The following RANBP1 variants were observed in gnomAD, a reference collection of about 807,000 sequenced individuals.
The protein encoded by RANBP1 is ran-specific GTPase-activating protein.
Under a neutral mutation model 31.4 loss-of-function variants are expected in RANBP1, and 16 were observed. The ratio of observed to expected loss-of-function variants is 0.51; its 90% CI spans 0.34 to 0.77. The LOEUF (loss-of-function observed/expected upper bound fraction) is 0.77, where lower values mean the gene tolerates loss of function less well. Ranked by LOEUF, RANBP1 falls within the 30% of genes least tolerant of loss-of-function variation. RANBP1 has a pLI of 0.01. For missense variants in RANBP1, 265 were observed against 362.0 expected (o/e 0.73, Z 2.17); for synonymous variants, 129 against 140.5 (o/e 0.92, Z 0.58).
In RANBP1 at chr22:20,117,550, C is replaced by T. The variant is rs576822287; in HGVS notation, c.246+1120C>T. The T allele has an allele frequency of 4.8e-5, 67 of 1,400,332 alleles. 1 individual carries two copies. In the African/African-American group the frequency reaches 9.7e-4, roughly 20 times the overall value. The allele number at this position is 1,400,332 out of a possible 1,614,324, so 86.7% of individuals were successfully genotyped here. On this transcript the variant is annotated intron_variant, in intron 1 of 5. Transcript: ENST00000430524. ...GGAAGAGCGGGCGGGCGGGAGGCGC[C>T]GGCGCCAGACGCGGAGGGAAGGAGC...
At position 20,126,874 on chromosome 22, in the gene RANBP1, T is replaced by C. The variant is rs1378660143; in HGVS notation, c.737-78T>C. ...AGCCGCTGTGGGTGGGTGACGGCAC[T>C]TGGGACCAGCCTGGCGAGGGCCATG... On this transcript the variant is annotated intron_variant, in intron 5 of 5. Transcript: ENST00000430524. 6 of 1,543,858 alleles carry C rather than the reference T, an allele frequency of 3.9e-6. No individual in the cohort carries two copies. In the Admixed American group the frequency reaches 8.8e-5, roughly 23 times the overall value.
intron 2 of RANBP1, among the ~76,000 whole-genome samples, chr22:20,120,599 G>A (rs1007686086): frequency 2.0e-5 from 3 of 152,214 alleles, no homozygotes; most frequent in Non-Finnish European, 2.9e-5. Context: ...GAGGGAGGGC[G>A]CCAGCCTGAG....
rs772817929 is a variant in RANBP1 at position 20,116,439 on chromosome 22, G to A, written c.246+9G>A. On this transcript the variant is annotated intron_variant, in intron 1 of 5. Coordinates refer to ENST00000430524, the MANE Select transcript of RANBP1 (RefSeq NM_001278639.2). ...GTTTAAAGATCTCAGAGGTAAACAA[G>A]TCATCCCTGATGTAGCTGTAGAGCC... 1.2e-6 allele frequency: 2 copies of A among 1,612,648 alleles called. No individual in the cohort carries two copies. The highest frequency in any genetic ancestry group is 1.7e-6 in the Non-Finnish European group (2 of 1,179,826).
intron 5 of RANBP1, chr22:20,126,607 T>C: frequency 2.0e-6 from 3 of 1,529,992 alleles, no homozygotes; most frequent in Non-Finnish European, 2.6e-6. Context: ...GGGCACTGCC[T>C]GGAGCTCACC....
At chr22:20,122,672 C>T (rs779597432) in intron 3 of RANBP1, 26 of 1,421,986 alleles carry the variant, frequency 1.8e-5, no homozygotes, top group Admixed American at 6.5e-5. Context: ...GAGGACGCAG[C>T]GCCCAGGCTG....
At chr22:20,117,176 C>CCA (rs1365303731) in intron 1 of RANBP1, 1 of 560,484 alleles carries the variant, frequency 1.8e-6, no homozygotes, top group African/African-American at 2.0e-5. Context: ...GCTCGCTTCG[C>CCA]CAGCCACTCT....
intron 3 of RANBP1, chr22:20,124,271 T>C (rs2050249429): frequency 6.6e-6 from 1 of 152,434 alleles, no homozygotes; most frequent in Admixed American, 6.5e-5. Flanking sequence ...GAGCCATCTG[T>C]GTAGCCAGCA....
chr22:20,121,986 G>T (rs562557385), intron 2 of RANBP1, among the ~76,000 whole-genome samples: 1 of 152,212 alleles, frequency 6.6e-6, no homozygotes, highest in South Asian at 2.1e-4. Context: ...TGACCTGCCC[G>T]CCTCGGCCTC....
chr22:20,116,751 A>AC, intron 1 of RANBP1: 2 of 1,278,840 alleles, frequency 1.6e-6, no homozygotes, highest in Non-Finnish European at 1.1e-6. Context: ...TACCCTCCCG[A>AC]CCCCATTCCC....
At chr22:20,117,934 G>C in intron 1 of RANBP1, 1 of 1,011,782 alleles carries the variant, frequency 9.9e-7, no homozygotes, top group South Asian at 4.6e-5. Flanking sequence ...AGCGGCCGTC[G>C]CCACGCGGGA....
Position 20,116,134 on chromosome 22 carries a change from A to C in RANBP1, c.-51A>C. 1 of 1,612,742 alleles carries C rather than the reference A, an allele frequency of 6.2e-7. No homozygotes were observed. The highest frequency in any genetic ancestry group is 8.5e-7 in the Non-Finnish European group (1 of 1,179,632). On this transcript the variant is annotated 5_prime_UTR_variant, in exon 1 of 6. Transcript: ENST00000430524. Reference sequence around the variant, plus strand: ...CCATAGAGGGGTCACCACGTCGGCCACTCGTGTTACTGGTGGCTCACTCTC... The same window carrying C: ...CCATAGAGGGGTCACCACGTCGGCCCCTCGTGTTACTGGTGGCTCACTCTC...
At chr22:20,118,958 C>G (rs1193542621) in intron 1 of RANBP1, 55 bp from the exon 2 acceptor site, 1 of 1,582,878 alleles carries the variant, frequency 6.3e-7, no homozygotes, top group Non-Finnish European at 8.6e-7. Flanking sequence ...TGGTTGGGCT[C>G]TGGTTGTGAG....
intron 1 of RANBP1, chr22:20,117,786 C>T: frequency 9.6e-7 from 1 of 1,045,614 alleles, no homozygotes; most frequent in South Asian, 4.5e-5. Context: ...CGGCCGTCTG[C>T]TGGGCCTCGG....
intron 2 of RANBP1, among the ~76,000 whole-genome samples, chr22:20,119,999 C>T (rs191575703): frequency 3.9e-5 from 6 of 152,364 alleles, no homozygotes; most frequent in African/African-American, 1.4e-4. Flanking sequence ...AGACTGTGGC[C>T]TGTCGCCTAC....
chr22:20,126,179 CCTTT>C (rs1285745029), intron 4 of RANBP1, 120 bp from the exon 5 acceptor site: 1 of 1,163,894 alleles, frequency 8.6e-7, no homozygotes, highest in Non-Finnish European at 1.2e-6. Context: ...GTGGACCAGT[CCTTT>C]CTTAGGTCAG....
chr22:20,127,171 GA>G lies in RANBP1; in HGVS notation c.*121del. The G allele has an allele frequency of 1.3e-6, 1 of 762,220 alleles. No individual in the cohort carries two copies. The highest frequency in any genetic ancestry group is 2.0e-6 in the Non-Finnish European group (1 of 507,150). The allele number at this position is 762,220 out of a possible 1,614,324, so 47.2% of individuals were successfully genotyped here. A position where few individuals can be genotyped will look rare whatever the true frequency, so the allele number is the denominator to read the frequency against. On this transcript the variant is annotated 3_prime_UTR_variant, in exon 6 of 6. Coordinates refer to ENST00000430524, the MANE Select transcript of RANBP1 (RefSeq NM_001278639.2). ...ATTTTTACAAGGGACGTTATATAAA[GA>G]ACTGAACTCAACATTCAGGTTGTTT...
At chr22:20,117,804 G>C (rs2050074088) in intron 1 of RANBP1, 1 of 1,027,810 alleles carries the variant, frequency 9.7e-7, no homozygotes, top group African/African-American at 1.7e-5. Flanking sequence ...CGGTGGCGCG[G>C]AGTCGGGGCG....
intron 4 of RANBP1, chr22:20,125,688 G>T: frequency 1.5e-6 from 2 of 1,363,734 alleles, no homozygotes; most frequent in African/African-American, 2.9e-5. Flanking sequence ...CCGCCTTGTG[G>T]CTGGCACTTT....
At chr22:20,117,299 C>A (rs1352879082) in intron 1 of RANBP1, 21 of 852,908 alleles carry the variant, frequency 2.5e-5, no homozygotes, top group Non-Finnish European at 2.9e-5. Context: ...GCTCTAGAGG[C>A]GCGCGTGGCC....
Sources: gnomAD v4.1 joint callset for allele counts (sites outside exome capture counted in the v4.1 genomes callset) on GRCh38, gnomAD v4.1.1 for gene constraint, MANE v1.5 for transcripts, NCBI Gene and HGNC (gene_info 2026-07-23, HGNC 2026-07-21) for gene names.